Variants in RIMS1 observed in about 807,000 individuals in gnomAD.
RIMS1 encodes regulating synaptic membrane exocytosis protein 1.
In RIMS1, 83 loss-of-function variants were observed where a neutral mutation model predicts 214.1. The observed-to-expected ratio is 0.39, with a 90% CI of 0.32 to 0.47. The LOEUF (loss-of-function observed/expected upper bound fraction) is 0.47. RIMS1 is among the 20% of genes least tolerant of loss of function. RIMS1 has a pLI of 0.99. For synonymous variants in RIMS1, 793 were observed against 786.8 expected, an observed-to-expected ratio of 1.01 and a Z score of -0.13; for missense variants, 2,050 against 2,161.8, an observed-to-expected ratio of 0.95 and a Z score of 1.03.
chr6:72,347,883 AC>A (rs1450594584), intron 29 of RIMS1, among the ~76,000 whole-genome samples: 2 of 152,040 alleles, frequency 1.3e-5, no homozygotes, highest in African/African-American at 4.8e-5. Context: ...GGTGCTGTTT[AC>A]ATCTGTAGAA....
At chr6:72,186,813 A>C (rs758854057) in intron 6 of RIMS1, among the ~76,000 whole-genome samples, 18 of 148,440 alleles carry the variant, frequency 1.2e-4, no homozygotes, top group Non-Finnish European at 8.9e-5. Flanking sequence ...GAACAATCTC[A>C]TACTATATAT....
At chr6:72,132,935 G>A (rs1175653882) in intron 4 of RIMS1, among the ~76,000 whole-genome samples, 3 of 151,834 alleles carry the variant, frequency 2.0e-5, no homozygotes, top group Non-Finnish European at 4.4e-5. Context: ...TTGTATATGT[G>A]TGTAAAATAT....
intron 1 of RIMS1, among the ~76,000 whole-genome samples, chr6:71,906,086 G>A (rs769366309): frequency 5.9e-5 from 9 of 152,174 alleles, no homozygotes; most frequent in Non-Finnish European, 1.0e-4. Context: ...CTAACTTTCA[G>A]TCTGGCCTGA....
chr6:72,391,985 A>G (rs1188357043), intron 30 of RIMS1, among the ~76,000 whole-genome samples: 1 of 152,234 alleles, frequency 6.6e-6, no homozygotes, highest in Non-Finnish European at 1.5e-5. Flanking sequence ...AAGAAATAAT[A>G]GATGTGAAAG....
chr6:72,230,389 C>A (rs1428810780), intron 6 of RIMS1, among the ~76,000 whole-genome samples: 1 of 151,618 alleles, frequency 6.6e-6, no homozygotes, highest in Non-Finnish European at 1.5e-5. Context: ...TTACTACCTG[C>A]ACATTAGGTA....
intron 27 of RIMS1, among the ~76,000 whole-genome samples, chr6:72,308,915 T>TA (rs1212124602): frequency 6.6e-6 from 1 of 152,214 alleles, no homozygotes; most frequent in Non-Finnish European, 1.5e-5. Flanking sequence ...TTTGTTTTCT[T>TA]ACTACAAATG....
At chr6:72,085,081 A>G (rs1834314190) in intron 2 of RIMS1, among the ~76,000 whole-genome samples, 1 of 152,104 alleles carries the variant, frequency 6.6e-6, no homozygotes, top group African/African-American at 2.4e-5. Flanking sequence ...TTTTTTTAAC[A>G]CATAAGATGT....
chr6:72,254,527 A>C (rs1238057690), intron 16 of RIMS1, among the ~76,000 whole-genome samples: 1 of 152,204 alleles, frequency 6.6e-6, no homozygotes, highest in Non-Finnish European at 1.5e-5. Flanking sequence ...CTTAACTATT[A>C]GTCAGCCTTA....
chr6:71,919,698 A>G, intron 1 of RIMS1, among the ~76,000 whole-genome samples: 1 of 152,118 alleles, frequency 6.6e-6, no homozygotes, highest in East Asian at 1.9e-4. Flanking sequence ...GTAGCCAGAG[A>G]TTGAGGTAGA....
At chr6:72,073,598 A>C (rs1417164577) in intron 2 of RIMS1, among the ~76,000 whole-genome samples, 1 of 152,212 alleles carries the variant, frequency 6.6e-6, no homozygotes, top group Non-Finnish European at 1.5e-5. Flanking sequence ...GCTTCTCACT[A>C]TTGAAAAATG....
At chr6:72,010,362 C>T (rs897173127) in intron 2 of RIMS1, among the ~76,000 whole-genome samples, 3 of 152,170 alleles carry the variant, frequency 2.0e-5, no homozygotes, top group African/African-American at 7.2e-5. Context: ...GACAAACCCA[C>T]AGCCAATATC....
In RIMS1 at chr6:72,235,652, A is replaced by G; in HGVS notation, c.1781A>G (p.Asp594Gly). ...ACGTGGCAACCATCTAAAGAGGGGG[A>G]CCGATTAATTGGACGTGTTATTCTT... ...PVTWQPSKEGDRLIGRVILNK... is the reference protein window; with the variant it reads ...PVTWQPSKEGGRLIGRVILNK... Residue 594 changes from aspartate to glycine, a missense_variant, in exon 8 of 34, where the codon GAC (aspartate) becomes GGC (glycine). Physicochemically the swap from Asp to Gly is moderately conservative, Grantham distance 94. Around this residue, in one of 6 missense-constraint regions of RIMS1, gnomAD observed 882 missense variants for 828.9 expected, o/e 1.06. Coordinates refer to ENST00000521978, the MANE Select transcript of RIMS1 (RefSeq NM_014989.7). The G allele has an allele frequency of 6.2e-7, 1 of 1,611,120 alleles. No individual in the cohort carries two copies. Among genetic ancestry groups the G allele is most frequent in the Non-Finnish European group, 8.5e-7 (1 of 1,178,464 alleles).
Position 72,289,853 on chromosome 6 carries a change from T to G in RIMS1, c.3555-826T>G, listed in dbSNP as rs140953158. Reference sequence around the variant, plus strand: ...ACCTGCTAGGTGTTTTAATCATGCATTTTATTTAAAATAAATACCAAAATC... The same window carrying G: ...ACCTGCTAGGTGTTTTAATCATGCAGTTTATTTAAAATAAATACCAAAATC... On this transcript the variant is annotated intron_variant, in intron 24 of 33. Transcript: ENST00000521978. 1.1e-4 allele frequency among the ~76,000 whole-genome samples: 16 copies of G among 152,264 alleles called. 1 individual carries two copies. The South Asian group carries it at 3.1e-3, about 30-fold the overall frequency.
intron 1 of RIMS1, among the ~76,000 whole-genome samples, chr6:71,932,992 T>C (rs1783502436): frequency 6.6e-6 from 1 of 152,170 alleles, no homozygotes; most frequent in Admixed American, 6.5e-5. Context: ...CATTAAAGGA[T>C]ATAATAGCGA....
At chr6:72,209,023 T>C (rs2053385013) in intron 6 of RIMS1, among the ~76,000 whole-genome samples, 1 of 152,152 alleles carries the variant, frequency 6.6e-6, no homozygotes, top group South Asian at 2.1e-4. Flanking sequence ...CAGTTCTCAT[T>C]GAAGATCTCT....
intron 4 of RIMS1, among the ~76,000 whole-genome samples, chr6:72,157,678 C>A (rs1439280797): frequency 7.1e-6 from 1 of 140,024 alleles, no homozygotes; most frequent in Non-Finnish European, 1.6e-5. Flanking sequence ...AGTAGTCTTT[C>A]TTCTAATTAG....
chr6:71,954,515 A>G (rs1008907219), intron 1 of RIMS1, among the ~76,000 whole-genome samples: 5 of 152,190 alleles, frequency 3.3e-5, no homozygotes, highest in Non-Finnish European at 5.9e-5. Flanking sequence ...TCTGATTCCA[A>G]CATGGTAAAA....
At chr6:72,288,760 A>G (rs1044979779) in intron 24 of RIMS1, among the ~76,000 whole-genome samples, 1 of 152,036 alleles carries the variant, frequency 6.6e-6, no homozygotes, top group Non-Finnish European at 1.5e-5. Context: ...CATTGCTACC[A>G]CATTCCTTTC....
At chr6:72,389,369 A>C (rs1356281224) in intron 29 of RIMS1, among the ~76,000 whole-genome samples, 1 of 152,218 alleles carries the variant, frequency 6.6e-6, no homozygotes, top group Non-Finnish European at 1.5e-5. Flanking sequence ...AATAGCAATA[A>C]AAAGGTTAAG....
Sources: gnomAD v4.1 joint callset for allele counts (sites outside exome capture counted in the v4.1 genomes callset) on GRCh38, gnomAD v4.1.1 for gene constraint, gnomAD v4.1.1 regional missense constraint, MANE v1.5 for transcripts, NCBI Gene and HGNC (gene_info 2026-07-23, HGNC 2026-07-21) for gene names.